ZKSCAN7: variants seen among roughly 807,000 people sequenced by gnomAD.
ZKSCAN7 encodes zinc finger protein with KRAB and SCAN domains 7.
In ZKSCAN7, 38 loss-of-function variants were observed where a neutral mutation model predicts 65.3. The observed-to-expected ratio is 0.58, with a 90% CI of 0.45 to 0.76. The LOEUF is 0.76. ZKSCAN7 is among the 30% of genes least tolerant of loss of function. ZKSCAN7 has a pLI of 0.00. For missense variants in ZKSCAN7, 815 were observed against 913.3 expected, an observed-to-expected ratio of 0.89 and a Z score of 1.39; for synonymous variants, 321 against 321.0, an observed-to-expected ratio of 1.00 and a Z score of 0.00.
intron 3 of ZKSCAN7, 32 bp downstream of exon 3, chr3:44,565,687 A>G: frequency 6.5e-7 from 1 of 1,538,142 alleles, no homozygotes. Flanking sequence ...GCCTTAAGTC[A>G]TGCCTCCCTT....
At chr3:44,558,966 T>G (rs898546262) in intron 2 of ZKSCAN7, among the ~76,000 whole-genome samples, 1 of 151,726 alleles carries the variant, frequency 6.6e-6, no homozygotes, top group East Asian at 1.9e-4. Context: ...TGTAGACATG[T>G]GGTCTTGTTA....
At chr3:44,561,205 G>A (rs1347798496) in intron 2 of ZKSCAN7, among the ~76,000 whole-genome samples, 1 of 152,206 alleles carries the variant, frequency 6.6e-6, no homozygotes, top group African/African-American at 2.4e-5. Context: ...GAGGTCTCAG[G>A]AAACCTACAA....
intron 5 of ZKSCAN7, among the ~76,000 whole-genome samples, chr3:44,581,656 A>AAT (rs1337170673): frequency 2.0e-5 from 3 of 152,200 alleles, no homozygotes; most frequent in Non-Finnish European, 2.9e-5. Flanking sequence ...CTTCCAATTT[A>AAT]ATATATATAT....
chr3:44,580,808 G>A, intron 5 of ZKSCAN7: 2 of 1,612,972 alleles, frequency 1.2e-6, no homozygotes, highest in Non-Finnish European at 1.7e-6. Flanking sequence ...AAAGGATGAA[G>A]AACTGTCGCT....
chr3:44,556,000 G>C (rs528233682), intron 1 of ZKSCAN7, among the ~76,000 whole-genome samples: 7 of 152,202 alleles, frequency 4.6e-5, no homozygotes, highest in Non-Finnish European at 1.0e-4. Flanking sequence ...GGAGACAGTC[G>C]TGTAAACCAC....
intron 3 of ZKSCAN7, among the ~76,000 whole-genome samples, chr3:44,567,681 A>G (rs557508894): frequency 5.3e-5 from 8 of 152,194 alleles, no homozygotes; most frequent in African/African-American, 1.9e-4. Flanking sequence ...AAAAAAGTTG[A>G]AGAGAGTGAG....
At chr3:44,572,462 G>A (rs1699834726), downstream of ZKSCAN7, among the ~76,000 whole-genome samples, 2 of 151,620 alleles carry the variant, frequency 1.3e-5, no homozygotes, top group Non-Finnish European at 2.9e-5. Context: ...GTATTGGGTT[G>A]GGCAGTCATA....
At chr3:44,568,280 C>T in intron 4 of ZKSCAN7, 27 bp from the exon 5 acceptor site, 1 of 1,607,098 alleles carries the variant, frequency 6.2e-7, no homozygotes, top group South Asian at 1.1e-5. Context: ...GTGAATGTTC[C>T]TGAGCGATTG....
intron 2 of ZKSCAN7, among the ~76,000 whole-genome samples, chr3:44,559,877 A>G (rs1277865006): frequency 6.6e-6 from 1 of 152,252 alleles, no homozygotes; most frequent in African/African-American, 2.4e-5. Flanking sequence ...AAGTAAGCAC[A>G]TATGAGTAAA....
rs1575374079 is a variant in ZKSCAN7 at position 44,570,182 on chromosome 3, A to G, written c.1072A>G (p.Lys358Glu). The change falls in exon 6 of 6, where the codon AAG becomes GAG. Residue 358 changes from lysine to glutamate, a missense_variant. By Grantham distance (56) the Lys-to-Glu change is moderately conservative. Around this residue, in one of 3 missense-constraint regions of ZKSCAN7, gnomAD observed 578 missense variants for 629.5 expected, o/e 0.92. Coordinates refer to ENST00000426540, the MANE Select transcript of ZKSCAN7 (RefSeq NM_001288590.2). ...CACAAAAGACAGATATGACAAATATAAGGAAGTTGGGGAACATCCACCTCT... is the reference window on the plus strand; with the variant it reads ...CACAAAAGACAGATATGACAAATATGAGGAAGTTGGGGAACATCCACCTCT... ...KSTKDRYDKY[K>E]EVGEHPPLSS... 1 of 1,614,232 alleles carries G rather than the reference A, an allele frequency of 6.2e-7. No individual in the cohort carries two copies. The highest frequency in any genetic ancestry group is 8.5e-7 in the Non-Finnish European group (1 of 1,180,032).
chr3:44,580,916 C>A, intron 5 of ZKSCAN7: 1 of 1,613,304 alleles, frequency 6.2e-7, no homozygotes, highest in Non-Finnish European at 8.5e-7. Flanking sequence ...GCGTCAGGTC[C>A]TCGTCGTTGA....
rs1419223736 is a variant in ZKSCAN7 at position 44,570,776 on chromosome 3, T to C, written c.1666T>C (p.Cys556Arg). 4 of 1,614,096 alleles carry C rather than the reference T, an allele frequency of 2.5e-6. No homozygotes were observed. The East Asian group carries it at 6.7e-5, about 27-fold the overall frequency. The change falls in exon 6 of 6, where the codon TGT (cysteine) becomes CGT (arginine). Residue 556 changes from cysteine (C) to arginine (R), a missense_variant. Around this residue, in one of 3 missense-constraint regions of ZKSCAN7, gnomAD observed 578 missense variants for 629.5 expected, o/e 0.92. Coordinates refer to ENST00000426540, the MANE Select transcript of ZKSCAN7 (RefSeq NM_001288590.2). ...TGEKPYECSECGKAFSRSKCL... is the reference protein window; with the variant it reads ...TGEKPYECSERGKAFSRSKCL... Reference sequence around the variant, plus strand: ...GGAGAAGCCTTATGAGTGTAGTGAATGTGGCAAAGCCTTCAGTCGGAGTAA... The same window carrying C: ...GGAGAAGCCTTATGAGTGTAGTGAACGTGGCAAAGCCTTCAGTCGGAGTAA...
In ZKSCAN7 at chr3:44,580,822, A is replaced by C. The variant is rs201973157; in HGVS notation, c.812-2150A>C. On this transcript the variant is annotated intron_variant, in intron 5 of 5. Transcript: ENST00000341840. ...TAAAGGATGAAGAACTGTCGCTGCC[A>C]TTTCGGAGACCGGTGCACTGAGTTG... 6.2e-6 allele frequency: 10 copies of C among 1,613,150 alleles called. No individual in the cohort carries two copies. The Admixed American group carries it at 1.0e-4, about 16-fold the overall frequency.
chr3:44,562,969 CAAAAAACAAAAAAA>C (rs200098621), intron 2 of ZKSCAN7, among the ~76,000 whole-genome samples: 2,881 of 143,462 alleles, frequency 0.02, 85 homozygotes, highest in African/African-American at 0.069. Flanking sequence ...GACTCCATCT[CAAAAAACAAAAAAA>C]AAAAAAGGAA....
chr3:44,562,964 C>T (rs1017311711), intron 2 of ZKSCAN7, among the ~76,000 whole-genome samples: 1 of 150,272 alleles, frequency 6.7e-6, no homozygotes, highest in Non-Finnish European at 1.5e-5. Context: ...AATGAGACTC[C>T]ATCTCAAAAA....
intron 3 of ZKSCAN7, among the ~76,000 whole-genome samples, chr3:44,566,133 CA>C (rs1314773646): frequency 3.9e-5 from 6 of 152,072 alleles, no homozygotes; most frequent in African/African-American, 1.4e-4. Flanking sequence ...GAGTATTGGG[CA>C]GTAAAAATGT....
intron 5 of ZKSCAN7, chr3:44,578,250 T>C: frequency 6.4e-7 from 1 of 1,559,676 alleles, no homozygotes. Flanking sequence ...CACAGTGCTG[T>C]CTGCAGCTCA....
downstream of ZKSCAN7, among the ~76,000 whole-genome samples, chr3:44,574,298 G>A (rs950157935): frequency 2.6e-5 from 4 of 152,086 alleles, no homozygotes; most frequent in African/African-American, 9.7e-5. Context: ...ATTTTTTGTA[G>A]AGATGGGTTT....
At chr3:44,581,145 C>G (rs1379105611) in intron 5 of ZKSCAN7, 1 of 947,168 alleles carries the variant, frequency 1.1e-6, no homozygotes, top group East Asian at 1.1e-4. Context: ...CCTGACCGGC[C>G]TCCTTCCCTG....
Sources: allele counts gnomAD v4.1 joint callset (sites outside exome capture counted in the v4.1 genomes callset), GRCh38; gene constraint gnomAD v4.1.1; regional missense constraint gnomAD v4.1.1; transcripts MANE v1.5; gene names NCBI Gene and HGNC (gene_info 2026-07-23, HGNC 2026-07-21).